RASEF: variants seen among roughly 807,000 people sequenced by gnomAD.
RASEF encodes the protein RAS and EF-hand domain containing, also known as ras and EF-hand domain-containing protein.
RASEF carries 68 observed loss-of-function variants against 90.1 expected under a neutral mutation model. That is an observed-to-expected ratio of 0.75 (90% CI 0.62 to 0.92). RASEF has a LOEUF of 0.92. RASEF is among the 40% of genes least tolerant of loss of function. The pLI, the probability that RASEF is intolerant of heterozygous loss-of-function variation, is 0.00. For synonymous variants in RASEF, 331 were observed against 345.2 expected (o/e 0.96, Z 0.46); for missense variants, 949 against 937.2 (o/e 1.01, Z -0.16).
chr9:83,184,320 G>T, the RASEF span, among the ~76,000 whole-genome samples: 1 of 152,246 alleles, frequency 6.6e-6, no homozygotes, highest in Middle Eastern at 3.4e-3. Flanking sequence ...ACAGCCTTGG[G>T]AAGTATAGAA....
At chr9:83,065,334 A>G (rs1830273986), upstream of RASEF, among the ~76,000 whole-genome samples, 1 of 151,854 alleles carries the variant, frequency 6.6e-6, no homozygotes, top group Non-Finnish European at 1.5e-5. Flanking sequence ...TTTCTTGTTG[A>G]CTCAACTGGG....
chr9:83,055,405 G>C (rs7033288), intron 1 of RASEF: 1 of 530,338 alleles, frequency 1.9e-6, no homozygotes, highest in Non-Finnish European at 3.4e-6. Flanking sequence ...GCTTCGGCTC[G>C]CGCACGGTGC....
At chr9:83,116,414 C>T in the RASEF span, among the ~76,000 whole-genome samples, 1 of 152,024 alleles carries the variant, frequency 6.6e-6, no homozygotes, top group South Asian at 2.1e-4. Context: ...TTATTTCTTG[C>T]ATTGTGCCAA....
the RASEF span, among the ~76,000 whole-genome samples, chr9:83,166,683 G>A: frequency 6.6e-6 from 1 of 152,110 alleles, no homozygotes; most frequent in Admixed American, 6.6e-5. Flanking sequence ...CCCCAGCCTG[G>A]TCACCTGACA....
At chr9:83,076,829 C>T in the RASEF span, among the ~76,000 whole-genome samples, 4 of 152,136 alleles carry the variant, frequency 2.6e-5, no homozygotes, top group Non-Finnish European at 5.9e-5. Context: ...ATATGGGACA[C>T]CTGAAATGCT....
At chr9:83,203,965 G>A in the RASEF span, among the ~76,000 whole-genome samples, 1 of 152,158 alleles carries the variant, frequency 6.6e-6, no homozygotes, top group Admixed American at 6.5e-5. Flanking sequence ...AAAGATGTTT[G>A]AAAAACTCAT....
upstream of RASEF, among the ~76,000 whole-genome samples, chr9:83,065,182 A>G (rs1184908595): frequency 6.6e-6 from 1 of 152,220 alleles, no homozygotes; most frequent in African/African-American, 2.4e-5. Context: ...GACCTCCGAT[A>G]TCAGTTATTT....
rs74786940 is a variant in RASEF, at chr9:82,999,407, C to G, written c.1723+762G>C. 5.4e-4 allele frequency among the ~76,000 whole-genome samples: 82 copies of G among 152,172 alleles called. 1 individual carries two copies. In the East Asian group the frequency reaches 0.015, roughly 28 times the overall value. On this transcript the variant is annotated intron_variant, in intron 12 of 16. Transcript: ENST00000376447. ...TAAAACCGCACCTCTCCCTAAACTT[C>G]TTTTTTGTACCTTTTCCCTCCACTG...
intron 1 of RASEF, chr9:83,055,460 G>T: frequency 1.5e-6 from 1 of 656,408 alleles, no homozygotes; most frequent in Non-Finnish European, 2.8e-6. Context: ...TCCGTAGTGA[G>T]ATGAACCCGG....
At chr9:83,040,350 A>G (rs1037527131) in intron 1 of RASEF, among the ~76,000 whole-genome samples, 11 of 152,204 alleles carry the variant, frequency 7.2e-5, no homozygotes, top group African/African-American at 2.7e-4. Context: ...ATGTGGGGGC[A>G]TTTTTAACAA....
chr9:83,166,701 A>G, the RASEF span, among the ~76,000 whole-genome samples: 4 of 150,540 alleles, frequency 2.7e-5, no homozygotes, highest in Non-Finnish European at 5.9e-5. Flanking sequence ...ACAGACTGAC[A>G]GAGGAATGAT....
At chr9:83,133,949 C>T in the RASEF span, among the ~76,000 whole-genome samples, 4 of 152,086 alleles carry the variant, frequency 2.6e-5, no homozygotes, top group Admixed American at 6.6e-5. Context: ...ATGCAATTCA[C>T]AGGTATTCTC....
intron 4 of RASEF, among the ~76,000 whole-genome samples, chr9:83,015,180 C>T (rs139171731): frequency 1.1e-4 from 16 of 152,178 alleles, no homozygotes; most frequent in African/African-American, 3.1e-4. Context: ...GGTAGGGACA[C>T]GGGGATATTT....
At chr9:83,178,608 C>A in the RASEF span, among the ~76,000 whole-genome samples, 1 of 152,176 alleles carries the variant, frequency 6.6e-6, no homozygotes, top group Non-Finnish European at 1.5e-5. Flanking sequence ...AATCCAACTG[C>A]ATACTAGACA....
the RASEF span, among the ~76,000 whole-genome samples, chr9:83,206,187 C>A: frequency 6.6e-6 from 1 of 152,118 alleles, no homozygotes; most frequent in African/African-American, 2.4e-5. Context: ...AATCATGTAA[C>A]CTAGTTCAAA....
chr9:83,058,481 C>T (rs937541704), intron 1 of RASEF, among the ~76,000 whole-genome samples: 1 of 147,934 alleles, frequency 6.8e-6, no homozygotes, highest in African/African-American at 2.7e-5. Context: ...CGCGCCCGGC[C>T]GTATTTATGT....
chr9:83,004,684 G>C (rs1044078322), intron 8 of RASEF, 98 bp from the exon 9 acceptor site: 1 of 717,110 alleles, frequency 1.4e-6, no homozygotes, highest in Non-Finnish European at 2.4e-6. Flanking sequence ...TAAAACTGTA[G>C]CACACTACTC....
At chr9:83,092,003 C>CTTTTTTTTTTTTTTTTTTTTTTTTCTT in the RASEF span, among the ~76,000 whole-genome samples, 2 of 35,920 alleles carry the variant, frequency 5.6e-5, no homozygotes, top group Non-Finnish European at 1.1e-4. Context: ...TCTTTTATTT[C>CTTTTTTTTTTTTTTTTTTTTTTTTCTT]TTTTTTTTTT....
At chr9:83,044,643 G>C (rs1022247384) in intron 1 of RASEF, among the ~76,000 whole-genome samples, 2 of 152,138 alleles carry the variant, frequency 1.3e-5, no homozygotes, top group African/African-American at 4.8e-5. Context: ...TGAATTTTCT[G>C]TTACTTACAA....
Sources: gnomAD v4.1 joint callset for allele counts (sites outside exome capture counted in the v4.1 genomes callset) on GRCh38, gnomAD v4.1.1 for gene constraint, MANE v1.5 for transcripts, NCBI Gene and HGNC (gene_info 2026-07-23, HGNC 2026-07-21) for gene names.